The following XKR6 variants were observed in gnomAD, a reference collection of about 807,000 sequenced individuals.
XKR6 encodes the protein XK related 6.
A neutral mutation model predicts 56.7 loss-of-function variants in XKR6; 22 were observed. The ratio of observed to expected loss-of-function variants is 0.39; its 90% CI spans 0.28 to 0.55. XKR6 has a LOEUF of 0.55. Ranked by LOEUF, XKR6 falls within the 20% of genes least tolerant of loss-of-function variation. XKR6 has a pLI of 0.66. For synonymous variants in XKR6, 524 were observed against 387.8 expected, an observed-to-expected ratio of 1.35 and a Z score of -4.13; for missense variants, 852 against 889.0, an observed-to-expected ratio of 0.96 and a Z score of 0.53.
intron 1 of XKR6, among the ~76,000 whole-genome samples, chr8:11,120,552 G>T (rs1045584573): frequency 6.6e-6 from 1 of 152,062 alleles, no homozygotes; most frequent in Admixed American, 6.6e-5. Context: ...CAAACAAATG[G>T]AAGAACATTC....
chr8:10,978,952 C>A (rs911925862), intron 1 of XKR6, among the ~76,000 whole-genome samples: 1 of 152,176 alleles, frequency 6.6e-6, no homozygotes, highest in Non-Finnish European at 1.5e-5. Context: ...CTCACAGAGA[C>A]CGTACCCTCG....
chr8:11,143,893 C>G (rs568306318), intron 1 of XKR6, among the ~76,000 whole-genome samples: 127 of 152,304 alleles, frequency 8.3e-4, no homozygotes, highest in African/African-American at 2.5e-3. Context: ...AGTGCAAGAT[C>G]TAGGTCTCAA....
At chr8:10,972,969 A>C (rs759877166) in intron 1 of XKR6, among the ~76,000 whole-genome samples, 3 of 152,138 alleles carry the variant, frequency 2.0e-5, no homozygotes, top group Non-Finnish European at 4.4e-5. Flanking sequence ...CTCTGGGAGG[A>C]CCATTCATGA....
At chr8:11,005,112 T>A (rs140473119) in intron 1 of XKR6, among the ~76,000 whole-genome samples, 14 of 152,122 alleles carry the variant, frequency 9.2e-5, no homozygotes, top group African/African-American at 3.4e-4. Flanking sequence ...TATACTAAGT[T>A]TTTTTCTCAT....
chr8:10,996,311 G>A (rs887822417), intron 1 of XKR6, among the ~76,000 whole-genome samples: 8 of 152,010 alleles, frequency 5.3e-5, no homozygotes, highest in African/African-American at 1.7e-4. Context: ...AAGCTCTGGC[G>A]GGCCCTCTCC....
intron 1 of XKR6, among the ~76,000 whole-genome samples, chr8:11,087,356 G>C (rs1401208582): frequency 1.3e-5 from 2 of 152,124 alleles, no homozygotes; most frequent in African/African-American, 4.8e-5. Context: ...CACCCCTCGG[G>C]GAAGGGCACT....
At chr8:10,997,645 C>A (rs577393522) in intron 1 of XKR6, among the ~76,000 whole-genome samples, 3 of 152,008 alleles carry the variant, frequency 2.0e-5, no homozygotes, top group South Asian at 4.1e-4. Context: ...CTGCAGGAGG[C>A]GTGTGGAAAT....
At chr8:10,901,541 A>G (rs535424227) in intron 2 of XKR6, among the ~76,000 whole-genome samples, 7 of 152,162 alleles carry the variant, frequency 4.6e-5, no homozygotes, top group Admixed American at 6.5e-5. Context: ...AATTCCATTA[A>G]ACATCCTCAT....
chr8:10,911,786 T>A (rs1002672631), intron 2 of XKR6, among the ~76,000 whole-genome samples: 4 of 150,012 alleles, frequency 2.7e-5, no homozygotes, highest in African/African-American at 9.8e-5. Context: ...GAGGTGTGTA[T>A]ATATAGAGAC....
chr8:10,978,233 T>G (rs1379384282), intron 1 of XKR6, among the ~76,000 whole-genome samples: 1 of 152,238 alleles, frequency 6.6e-6, no homozygotes, highest in East Asian at 1.9e-4. Context: ...TTGCCTGATA[T>G]GCATATTTAA....
chr8:10,951,300 G>GTGTGTGTGTGTGTGTGTGTGT lies in XKR6; in HGVS notation c.765-26471_765-26470insACACACACACACACACACACA, dbSNP rs988183717. 3.5e-3 allele frequency among the ~76,000 whole-genome samples: 431 copies of GTGTGTGTGTGTGTGTGTGTGT among 122,328 alleles called. 3 individuals carry two copies. The highest frequency in any genetic ancestry group is 0.013 in the African/African-American group (319 of 23,822). 80.3% of individuals were successfully genotyped at this position (122,328 alleles called of 152,430 possible). A position where few individuals can be genotyped will look rare whatever the true frequency, so the allele number is the denominator to read the frequency against. On this transcript the variant is annotated intron_variant, in intron 1 of 2. Transcript: ENST00000416569. Reference sequence around the variant, plus strand: ...GGATAGAAAAGTGTGTGTGTGTGTGGGGGGGGGGGGCCCCCACAGTGGTGA... The same window carrying GTGTGTGTGTGTGTGTGTGTGT: ...GGATAGAAAAGTGTGTGTGTGTGTGGTGTGTGTGTGTGTGTGTGTGTGGGGGGGGGGCCCCCACAGTGGTGA...
At chr8:10,972,836 A>C (rs565694158) in intron 1 of XKR6, among the ~76,000 whole-genome samples, 2 of 152,346 alleles carry the variant, frequency 1.3e-5, no homozygotes, top group African/African-American at 4.8e-5. Context: ...ACAGAACCGC[A>C]CACTTAAAAT....
intron 1 of XKR6, among the ~76,000 whole-genome samples, chr8:11,100,301 C>T (rs749569898): frequency 2.1e-4 from 32 of 152,160 alleles, no homozygotes; most frequent in Non-Finnish European, 4.6e-4. Context: ...GCAATCTACC[C>T]ACTTCGACCT....
At chr8:10,912,343 T>TATATATATATA (rs1800413211) in intron 2 of XKR6, among the ~76,000 whole-genome samples, 2 of 78,848 alleles carry the variant, frequency 2.5e-5, no homozygotes, top group Non-Finnish European at 5.0e-5. Flanking sequence ...TATATATATA[T>TATATATATATA]GGAGAGAGAG....
chr8:11,058,008 C>T (rs929304730), intron 1 of XKR6, among the ~76,000 whole-genome samples: 3 of 152,174 alleles, frequency 2.0e-5, no homozygotes, highest in African/African-American at 7.2e-5. Flanking sequence ...ACATGTGTTG[C>T]CTTTAACTCT....
chr8:10,941,340 A>C (rs531000559), intron 1 of XKR6, among the ~76,000 whole-genome samples: 2 of 152,308 alleles, frequency 1.3e-5, no homozygotes, highest in Admixed American at 1.3e-4. Flanking sequence ...GCTTAGGAGC[A>C]CTCAGCACTT....
intron 1 of XKR6, among the ~76,000 whole-genome samples, chr8:11,058,535 C>T (rs569779718): frequency 1.3e-5 from 2 of 152,286 alleles, no homozygotes; most frequent in African/African-American, 4.8e-5. Flanking sequence ...ATGTCCTTTG[C>T]AGGAACATGA....
chr8:11,140,219 T>G (rs73665007), intron 1 of XKR6, among the ~76,000 whole-genome samples: 3,510 of 151,214 alleles, frequency 0.023, 154 homozygotes, highest in African/African-American at 0.079. Context: ...AACAGGAGTC[T>G]CTGACTATAA....
rs575368693 is a variant in XKR6, at chr8:10,924,861, G to A, written c.765-31C>T. 5.6e-6 allele frequency: 9 copies of A among 1,595,808 alleles called. No homozygotes were observed. The South Asian group carries it at 9.0e-5, about 16-fold the overall frequency. On this transcript the variant is annotated intron_variant, in intron 1 of 2. Coordinates refer to ENST00000416569, the MANE Select transcript of XKR6 (RefSeq NM_173683.4). Reference sequence around the variant, plus strand: ...CAGAGAGATGGGGAGAACACAGAGAGCATGGGTGGGTGCAGGGGCTCCAGA... The same window carrying A: ...CAGAGAGATGGGGAGAACACAGAGAACATGGGTGGGTGCAGGGGCTCCAGA...
Sources: allele counts gnomAD v4.1 joint callset (sites outside exome capture counted in the v4.1 genomes callset), GRCh38; gene constraint gnomAD v4.1.1; transcripts MANE v1.5; gene names NCBI Gene and HGNC (gene_info 2026-07-23, HGNC 2026-07-21).